Variants in SMC6 observed in about 807,000 individuals in gnomAD.
The protein encoded by SMC6 is structural maintenance of chromosomes protein 6.
SMC6 carries 79 observed loss-of-function variants against 142.2 expected under a neutral mutation model. That is an observed-to-expected ratio of 0.56 (90% CI 0.46 to 0.67). The LOEUF (loss-of-function observed/expected upper bound fraction) is 0.67. Ranked by LOEUF, SMC6 falls within the 30% of genes least tolerant of loss-of-function variation. SMC6 has a pLI of 0.00. For missense variants in SMC6, 1,072 were observed against 1,284.0 expected (o/e 0.83, Z 2.52); for synonymous variants, 411 against 412.4 (o/e 1.00, Z 0.04).
At chr2:17,684,477 G>T (rs531901625) in intron 23 of SMC6, among the ~76,000 whole-genome samples, 2 of 152,124 alleles carry the variant, frequency 1.3e-5, no homozygotes, top group Non-Finnish European at 2.9e-5. Context: ...AAACTTATTA[G>T]AACAGTGTTG....
chr2:17,679,165 G>C (rs1486928962), intron 24 of SMC6: 22 of 430,090 alleles, frequency 5.1e-5, no homozygotes, highest in Middle Eastern at 1.2e-3. Context: ...ACTTTCACCA[G>C]TTCATTTACT....
intron 9 of SMC6, among the ~76,000 whole-genome samples, chr2:17,724,878 G>C (rs1300779830): frequency 3.3e-5 from 5 of 152,150 alleles, no homozygotes; most frequent in Non-Finnish European, 7.4e-5. Flanking sequence ...CTTGAAGCTT[G>C]TGCTTATTAT....
intron 21 of SMC6, among the ~76,000 whole-genome samples, chr2:17,698,830 G>A (rs1813455): frequency 0.013 from 1,910 of 152,070 alleles, 19 homozygotes; most frequent in East Asian, 0.031. Flanking sequence ...GTACGTTTTA[G>A]TGCATCTCCT....
At chr2:17,749,756 G>T (rs550836358) in intron 2 of SMC6, among the ~76,000 whole-genome samples, 11 of 152,106 alleles carry the variant, frequency 7.2e-5, no homozygotes, top group Non-Finnish European at 1.6e-4. Flanking sequence ...ATTTGATAGA[G>T]ATCATGCATT....
At chr2:17,702,318 A>G (rs1451974035) in intron 19 of SMC6, among the ~76,000 whole-genome samples, 1 of 152,224 alleles carries the variant, frequency 6.6e-6, no homozygotes, top group Non-Finnish European at 1.5e-5. Context: ...CTATTTTCAT[A>G]AAAACAATTA....
chr2:17,725,458 T>C, intron 8 of SMC6, 100 bp from the exon 9 acceptor site: 3 of 693,478 alleles, frequency 4.3e-6, no homozygotes, highest in Middle Eastern at 4.0e-4. Context: ...AACTTTTAGA[T>C]CAATGATGTA....
At position 17,708,652 on chromosome 2, in the gene SMC6, A is replaced by G; in HGVS notation, c.1832T>C (p.Val611Ala). ...TGGAGGTCTTACTTTGATTAGTAGC[A>G]CTGTCTCTATGCCTCTCATGTCAAT... ...SLIDMRGIET[V>A]LLIKNNSVAR... The change falls in exon 17 of 28, where the codon GTG becomes GCG. Residue 611 changes from valine to alanine, a missense_variant. Val to Ala is a moderately conservative substitution (Grantham distance 64). Around this residue, in one of 3 missense-constraint regions of SMC6, gnomAD observed 994 missense variants for 1,153.2 expected, o/e 0.86. Coordinates refer to ENST00000448223, the MANE Select transcript of SMC6 (RefSeq NM_001142286.2). 1 of 1,508,574 alleles carries G rather than the reference A, an allele frequency of 6.6e-7. No homozygotes were observed. The allele number at this position is 1,508,574 out of a possible 1,614,324, so 93.4% of individuals were successfully genotyped here.
intron 24 of SMC6, 82 bp downstream of exon 24, chr2:17,683,556 T>C (rs1357238829): frequency 2.3e-5 from 29 of 1,251,696 alleles, no homozygotes; most frequent in Non-Finnish European, 2.8e-5. Context: ...TAGTCTCTGC[T>C]ATAACAGAAT....
rs1231498581 is a variant in SMC6, at chr2:17,670,404, A to G, written c.3063+19T>C. The G allele has an allele frequency of 6.3e-7, 1 of 1,590,434 alleles. No homozygotes were observed. Among genetic ancestry groups the G allele is most frequent in the Non-Finnish European group, 8.5e-7 (1 of 1,172,648 alleles). On this transcript the variant is annotated intron_variant, in intron 26 of 27. Coordinates refer to ENST00000448223, the MANE Select transcript of SMC6 (RefSeq NM_001142286.2). ...AACAAACAAAAAAATGAAAAAGAGA[A>G]TTTAAAATTTAACAATACCATGTAG... is the stretch of plus-strand genomic sequence containing the variant.
Position 17,738,264 on chromosome 2 carries a change from T to C in SMC6, c.301A>G (p.Asn101Asp), listed in dbSNP as rs755950894. ...AAACCTTTTAAAGAGGATCCTCTAT[T>C]AGTAGCAACTGCTCTTCCACCAAGA... ...VGLGGRAVATNRGSSLKGFVK... is the reference protein window; with the variant it reads ...VGLGGRAVATDRGSSLKGFVK... Residue 101 changes from asparagine to aspartate, a missense_variant, in exon 5 of 28, where the codon AAT becomes GAT. Asn to Asp is a conservative substitution (Grantham distance 23). Transcript: ENST00000448223. 1.2e-6 allele frequency: 2 copies of C among 1,613,588 alleles called. No homozygotes were observed. Among genetic ancestry groups the C allele is most frequent in the African/African-American group, 1.3e-5 (1 of 74,902 alleles).
rs1189694944 is a variant in SMC6, at chr2:17,664,136, T to A, written c.*1363A>T. 6.6e-6 allele frequency: 1 copy of A among 152,246 alleles called. No individual in the cohort carries two copies. The allele number at this position is 152,246 out of a possible 1,614,324, so 9.4% of individuals were successfully genotyped here. A position where few individuals can be genotyped will look rare whatever the true frequency, so the allele number is the denominator to read the frequency against. On this transcript the variant is annotated 3_prime_UTR_variant, in exon 28 of 28. Coordinates refer to ENST00000448223, the MANE Select transcript of SMC6 (RefSeq NM_001142286.2). ...GGTATACTCTACTTCATTTTTAATT[T>A]GGAAAAGCACATGTTAAAAATAATT...
chr2:17,697,211 T>C (rs906131257), intron 21 of SMC6, among the ~76,000 whole-genome samples: 1 of 151,930 alleles, frequency 6.6e-6, no homozygotes, highest in East Asian at 1.9e-4. Flanking sequence ...TCAACAGTTG[T>C]TGGAGGTTCT....
intron 4 of SMC6, among the ~76,000 whole-genome samples, chr2:17,739,077 T>TTA (rs1270432115): frequency 6.6e-6 from 1 of 152,218 alleles, no homozygotes; most frequent in Non-Finnish European, 1.5e-5. Flanking sequence ...ATGAATGAAC[T>TTA]TAAGTAGAAA....
intron 9 of SMC6, 56 bp from the exon 10 acceptor site, chr2:17,721,317 T>C: frequency 2.0e-6 from 3 of 1,482,844 alleles, no homozygotes; most frequent in Non-Finnish European, 2.7e-6. Flanking sequence ...AAAAACACAT[T>C]TTTGCAAATC....
At chr2:17,721,371 T>A in intron 9 of SMC6, 110 bp from the exon 10 acceptor site, 1 of 1,063,146 alleles carries the variant, frequency 9.4e-7, no homozygotes. Context: ...TACATAAATA[T>A]TCGTTTAAAA....
chr2:17,708,815 G>A, intron 16 of SMC6, 62 bp from the exon 17 acceptor site: 1 of 533,258 alleles, frequency 1.9e-6, no homozygotes, highest in Non-Finnish European at 2.8e-6. Flanking sequence ...ATATACATAT[G>A]AAAATTGTGT....
chr2:17,726,457 C>T lies in SMC6; in HGVS notation c.556G>A (p.Val186Ile), dbSNP rs1384297741. The T allele has an allele frequency of 1.9e-6, 3 of 1,610,170 alleles. No individual in the cohort carries two copies. Among genetic ancestry groups the T allele is most frequent in the African/African-American group, 2.7e-5 (2 of 74,754 alleles). ...CTCATTTCTTGTGTTAAAACAGAAA[C>T]TGGATTATCCACCTCAAACAAACAA... The part of the protein sequence containing the change: ...DHFNIQVDNP[V>I]SVLTQEMSKQ... Residue 186 changes from valine (V) to isoleucine (I), a missense_variant, in exon 8 of 28, where the codon GTT (valine) becomes ATT (isoleucine). Val to Ile is a conservative substitution (Grantham distance 29). Transcript: ENST00000448223.
chr2:17,728,558 AG>A lies in SMC6; in HGVS notation c.544-2090del, dbSNP rs138490885. Among the ~76,000 whole-genome samples, 1,407 of 152,262 alleles carry A rather than the reference AG, an allele frequency of 9.2e-3. 89 individuals carry two copies. In the East Asian group the frequency reaches 0.17, roughly 18 times the overall value. On this transcript the variant is annotated intron_variant, in intron 7 of 27. Transcript: ENST00000448223. ...CTCTAAAATCAAACCAAAAAAAAAA[AG>A]AATGTTGTAGCTTTATCTGTCAGAA... is the stretch of plus-strand genomic sequence containing the variant.
chr2:17,708,696 C>T lies in SMC6; in HGVS notation c.1788G>A (p.Ala596=), dbSNP rs144764638. 14 of 1,559,038 alleles carry T rather than the reference C, an allele frequency of 9.0e-6. No homozygotes were observed. Among genetic ancestry groups the T allele is most frequent in the African/African-American group, 5.5e-5 (4 of 72,388 alleles). The change falls in exon 17 of 28, where the codon GCG becomes GCA. Residue 596 remains alanine, a synonymous_variant. Coordinates refer to ENST00000448223, the MANE Select transcript of SMC6 (RefSeq NM_001142286.2). ...TGTCAATTAGGCTATTTGCCACAACCGCATTATCTATTTCTAAAGCTGTCA... is the reference window on the plus strand; with the variant it reads ...TGTCAATTAGGCTATTTGCCACAACTGCATTATCTATTTCTAAAGCTGTCA... The part of the protein sequence containing the change: ...TVLTALEIDN[A]VVANSLIDMR...
Sources: gnomAD v4.1 joint callset for allele counts (sites outside exome capture counted in the v4.1 genomes callset) on GRCh38, gnomAD v4.1.1 for gene constraint, gnomAD v4.1.1 regional missense constraint, MANE v1.5 for transcripts, NCBI Gene and HGNC (gene_info 2026-07-23, HGNC 2026-07-21) for gene names.